The following DNAH14 variants were observed in gnomAD, a reference collection of about 807,000 sequenced individuals.
DNAH14 encodes axonemal beta dynein heavy chain 14.
Under a neutral mutation model 520.9 loss-of-function variants are expected in DNAH14, and 478 were observed. The ratio of observed to expected loss-of-function variants is 0.92; its 90% CI spans 0.85 to 0.99. DNAH14 has a LOEUF of 0.99. DNAH14 is among the 50% of genes least tolerant of loss of function. The pLI, the probability that DNAH14 is intolerant of heterozygous loss-of-function variation, is 0.00. For synonymous variants in DNAH14, 1,581 were observed against 1,757.2 expected (o/e 0.90, Z 2.51); for missense variants, 4,831 against 5,234.5 (o/e 0.92, Z 2.38).
chr1:225,128,679 A>G (rs2078044076), intron 27 of DNAH14, among the ~76,000 whole-genome samples: 1 of 152,052 alleles, frequency 6.6e-6, no homozygotes, highest in African/African-American at 2.4e-5. Context: ...AAATAATAAG[A>G]GCTATCTATG....
At chr1:225,024,495 A>G (rs1213960372) in intron 11 of DNAH14, 1 of 152,936 alleles carries the variant, frequency 6.5e-6, no homozygotes, top group Non-Finnish European at 1.5e-5. Context: ...AAACAGGACT[A>G]TGAATTGAAA....
intron 21 of DNAH14, among the ~76,000 whole-genome samples, chr1:225,091,867 A>C (rs1028287666): frequency 3.9e-5 from 6 of 152,170 alleles, no homozygotes; most frequent in Admixed American, 1.3e-4. Flanking sequence ...AAAGAAAAGG[A>C]TGGAGAAAAA....
At chr1:225,268,911 A>T (rs1332878251) in intron 49 of DNAH14, among the ~76,000 whole-genome samples, 2 of 152,230 alleles carry the variant, frequency 1.3e-5, no homozygotes, top group Admixed American at 6.5e-5. Context: ...GCCCAAGGTA[A>T]CTTATAGATT....
chr1:225,249,873 A>G (rs1191564769), intron 43 of DNAH14, among the ~76,000 whole-genome samples: 1 of 152,206 alleles, frequency 6.6e-6, no homozygotes, highest in Admixed American at 6.5e-5. Context: ...TTCATGTATC[A>G]TAATGTTTTT....
At chr1:225,263,209 CAT>C (rs1253335399) in intron 46 of DNAH14, among the ~76,000 whole-genome samples, 2 of 145,562 alleles carry the variant, frequency 1.4e-5, no homozygotes, top group Admixed American at 6.7e-5. Flanking sequence ...TATACACACA[CAT>C]ATATATACAT....
chr1:224,942,737 G>C (rs2059509457), intron 1 of DNAH14, among the ~76,000 whole-genome samples: 1 of 144,670 alleles, frequency 6.9e-6, no homozygotes, highest in African/African-American at 2.8e-5. Context: ...TTTGTCAAAG[G>C]CCTTTTCACA....
Position 225,337,406 on chromosome 1 carries a change from A to G in DNAH14, c.10221A>G (p.Gly3407=). The change falls in exon 67 of 86, where the codon GGA becomes GGG. Residue 3407 remains glycine (G), a synonymous_variant. Transcript: ENST00000682510. Reference sequence around the variant, plus strand: ...ACAAATGGATCCGTCAGATGGAAGGATCCAGGCTGCAGAAGCTCTCCATTG... The same window carrying G: ...ACAAATGGATCCGTCAGATGGAAGGGTCCAGGCTGCAGAAGCTCTCCATTG... ...QAHKWIRQME[G]SRLQKLSIED... 1.3e-6 allele frequency: 2 copies of G among 1,551,714 alleles called. No homozygotes were observed. Among genetic ancestry groups the G allele is most frequent in the Non-Finnish European group, 1.7e-6 (2 of 1,146,984 alleles).
At chr1:225,390,629 A>G (rs1334830412) in intron 83 of DNAH14, among the ~76,000 whole-genome samples, 2 of 152,232 alleles carry the variant, frequency 1.3e-5, no homozygotes, top group Non-Finnish European at 1.5e-5. Flanking sequence ...CGCTAAGGAA[A>G]TAACATCTAG....
At chr1:225,303,940 A>G (rs2094189055) in intron 57 of DNAH14, among the ~76,000 whole-genome samples, 1 of 152,134 alleles carries the variant, frequency 6.6e-6, no homozygotes, top group South Asian at 2.1e-4. Flanking sequence ...GACCAATGGG[A>G]TTGCATCCTT....
intron 60 of DNAH14, among the ~76,000 whole-genome samples, chr1:225,316,803 CT>C (rs951521632): frequency 3.9e-5 from 6 of 152,238 alleles, no homozygotes; most frequent in African/African-American, 1.2e-4. Context: ...ATTTGGCCAT[CT>C]TGGCCCAATC....
At chr1:225,019,939 C>T (rs2065528254) in intron 10 of DNAH14, among the ~76,000 whole-genome samples, 1 of 151,868 alleles carries the variant, frequency 6.6e-6, no homozygotes, top group African/African-American at 2.4e-5. Flanking sequence ...AATTATTGCA[C>T]CTAGAGGAAC....
At chr1:225,306,726 A>T (rs1461254484) in intron 58 of DNAH14, among the ~76,000 whole-genome samples, 3 of 152,076 alleles carry the variant, frequency 2.0e-5, no homozygotes, top group African/African-American at 7.2e-5. Flanking sequence ...ATCCTAGAAC[A>T]TCTCCCACCC....
chr1:225,017,547 C>T (rs1233724111), intron 10 of DNAH14, among the ~76,000 whole-genome samples: 1 of 152,160 alleles, frequency 6.6e-6, no homozygotes, highest in Admixed American at 6.5e-5. Context: ...CTGGGGTGCT[C>T]ATGCTTCCCC....
chr1:225,221,642 A>T (rs2090058421), intron 41 of DNAH14, among the ~76,000 whole-genome samples: 1 of 152,254 alleles, frequency 6.6e-6, no homozygotes, highest in Admixed American at 6.5e-5. Flanking sequence ...CTAAAAAGTC[A>T]GGAAACAACA....
At position 225,101,501 on chromosome 1, in the gene DNAH14, T is replaced by C. The variant is rs1038071404; in HGVS notation, c.3867+617T>C. The stretch of plus-strand genomic sequence containing the variant: ...TCAACCACTTTTTCTCTCTCCCCCA[T>C]TCTCTCCACTACTCCTCCTATCCTC... On this transcript the variant is annotated intron_variant, in intron 23 of 85. Coordinates refer to ENST00000682510, the MANE Select transcript of DNAH14 (RefSeq NM_001367479.1). Among the ~76,000 whole-genome samples the C allele has an allele frequency of 1.1e-4, 16 of 152,128 alleles. 1 individual carries two copies. Among genetic ancestry groups the C allele is most frequent in the Non-Finnish European group, 1.5e-5 (1 of 67,988 alleles).
chr1:225,007,288 A>G, intron 9 of DNAH14, 125 bp from the exon 10 acceptor site: 1 of 649,864 alleles, frequency 1.5e-6, no homozygotes, highest in Non-Finnish European at 2.2e-6. Flanking sequence ...TAAGTCATAT[A>G]GGATATACAG....
chr1:224,976,707 CATTT>C (rs1248162135), intron 8 of DNAH14, among the ~76,000 whole-genome samples: 1 of 150,366 alleles, frequency 6.7e-6, no homozygotes, highest in Non-Finnish European at 1.5e-5. Flanking sequence ...CAAAAGAAGA[CATTT>C]ATGCAGCCAA....
rs142305430 is a variant in DNAH14, at chr1:224,945,308, G to C, written c.-33-7362G>C. ...ATCGGCTACTGAGGCTTGTGCATTCGTCACGTAGTTATCGTGCCTTGGTTG... is the reference window on the plus strand; with the variant it reads ...ATCGGCTACTGAGGCTTGTGCATTCCTCACGTAGTTATCGTGCCTTGGTTG... On this transcript the variant is annotated intron_variant, in intron 1 of 85. Transcript: ENST00000682510. Among the ~76,000 whole-genome samples the C allele has an allele frequency of 1.4e-4, 21 of 151,944 alleles. No homozygotes were observed. The East Asian group carries it at 3.9e-3, about 28-fold the overall frequency.
chr1:225,043,815 A>G lies in DNAH14; in HGVS notation c.1814+26A>G, dbSNP rs1295934238. 1.4e-6 allele frequency: 2 copies of G among 1,461,032 alleles called. 1 individual carries two copies. The highest frequency in any genetic ancestry group is 5.0e-5 in the East Asian group (2 of 40,280). The allele number at this position is 1,461,032 out of a possible 1,614,324, so 90.5% of individuals were successfully genotyped here. On this transcript the variant is annotated intron_variant, in intron 14 of 85. Coordinates refer to ENST00000682510, the MANE Select transcript of DNAH14 (RefSeq NM_001367479.1). Reference sequence around the variant, plus strand: ...GTAAGTATTAGACATTTTAAAAATTACGAGTAATTGTATTTTATATGGTAG... The same window carrying G: ...GTAAGTATTAGACATTTTAAAAATTGCGAGTAATTGTATTTTATATGGTAG...
Sources: allele counts gnomAD v4.1 joint callset (sites outside exome capture counted in the v4.1 genomes callset), GRCh38; gene constraint gnomAD v4.1.1; transcripts MANE v1.5; gene names NCBI Gene and HGNC (gene_info 2026-07-23, HGNC 2026-07-21).